PHLPP2: variants seen among roughly 807,000 people sequenced by gnomAD.
PHLPP2 encodes the protein PH domain leucine-rich repeat-containing protein phosphatase 2.
PHLPP2 carries 66 observed loss-of-function variants against 124.9 expected under a neutral mutation model. The ratio of observed to expected loss-of-function variants is 0.53; its 90% CI spans 0.43 to 0.65. The LOEUF (loss-of-function observed/expected upper bound fraction) is 0.65, where lower values mean the gene tolerates loss of function less well. Ranked by LOEUF, PHLPP2 falls within the 30% of genes least tolerant of loss-of-function variation. The pLI is 0.00. For synonymous variants in PHLPP2, 681 were observed against 624.7 expected (o/e 1.09, Z -1.34); for missense variants, 1,685 against 1,600.4 (o/e 1.05, Z -0.90).
intron 10 of PHLPP2, among the ~76,000 whole-genome samples, chr16:71,670,828 T>C (rs2044886378): frequency 6.6e-6 from 1 of 152,058 alleles, no homozygotes; most frequent in South Asian, 2.1e-4. Flanking sequence ...ACAGCTGGAC[T>C]GGCCATGAAC....
At chr16:71,718,589 A>AC (rs1363961578) in intron 1 of PHLPP2, among the ~76,000 whole-genome samples, 8 of 151,746 alleles carry the variant, frequency 5.3e-5, no homozygotes, top group African/African-American at 1.7e-4. Context: ...CAAAAAAAAA[A>AC]AAAACAAAAC....
chr16:71,716,614 A>G (rs1418500813), intron 1 of PHLPP2, among the ~76,000 whole-genome samples: 1 of 152,072 alleles, frequency 6.6e-6, no homozygotes, highest in Non-Finnish European at 1.5e-5. Flanking sequence ...TTCGTTCCCT[A>G]CTACTGCCCT....
chr16:71,719,334 G>A (rs956699043), intron 1 of PHLPP2, among the ~76,000 whole-genome samples: 4 of 152,014 alleles, frequency 2.6e-5, no homozygotes, highest in African/African-American at 4.8e-5. Context: ...TCAGGAGCTC[G>A]AGACCAGCCT....
At chr16:71,657,455 C>T (rs969601987) in intron 15 of PHLPP2, among the ~76,000 whole-genome samples, 10 of 151,084 alleles carry the variant, frequency 6.6e-5, no homozygotes, top group African/African-American at 1.2e-4. Context: ...AGTGCAGTGG[C>T]GTGATCTCTG....
rs1223481853 is a variant in PHLPP2, at chr16:71,681,751, T to A, written c.890A>T (p.Lys297Ile). 1 of 1,611,508 alleles carries A rather than the reference T, an allele frequency of 6.2e-7. No individual in the cohort carries two copies. Among genetic ancestry groups the A allele is most frequent in the Non-Finnish European group, 8.5e-7 (1 of 1,178,758 alleles). Residue 297 changes from lysine to isoleucine, a missense_variant and splice_region_variant, in exon 6 of 19, where the codon AAA (lysine) becomes ATA (isoleucine). Transcript: ENST00000568954. The stretch of plus-strand genomic sequence containing the variant: ...GTCTGGAAACCCATTCTCCACATAC[T>A]TGTAGAGTGTATCGAGGCCTCCGGG... ...ERPGGLDTLY[K>I]FSQLKGLNLS...
chr16:71,690,591 G>C lies in PHLPP2; in HGVS notation c.537C>G (p.Thr179=). The C allele has an allele frequency of 6.2e-7, 1 of 1,612,880 alleles. No homozygotes were observed. The highest frequency in any genetic ancestry group is 8.5e-7 in the Non-Finnish European group (1 of 1,178,884). The change falls in exon 4 of 19, where the codon ACC becomes ACG. Residue 179 remains threonine, a synonymous_variant. Coordinates refer to ENST00000568954, the MANE Select transcript of PHLPP2 (RefSeq NM_015020.3). The part of the protein sequence containing the change: ...WAERLVVLCG[T]CLIVSSVKDC... ...CCTTCACTGAGGAAACGATAAGGCAGGTACCACAGAGGACAACTAGGCGCT... is the reference window on the plus strand; with the variant it reads ...CCTTCACTGAGGAAACGATAAGGCACGTACCACAGAGGACAACTAGGCGCT...
Position 71,650,042 on chromosome 16 carries a change from G to A in PHLPP2, c.2820C>T (p.Asp940=). 6.2e-7 allele frequency: 1 copy of A among 1,601,966 alleles called. No homozygotes were observed. The highest frequency in any genetic ancestry group is 8.5e-7 in the Non-Finnish European group (1 of 1,176,994). The part of the protein sequence containing the change: ...VKDQKAIITE[D]NKVNGVTCCT... ...AGCAGGTTACCCCATTCACTTTGTT[G>A]TCCTACAGAAGAGCAGGACACAAAT... is the stretch of plus-strand genomic sequence containing the variant. The change falls in exon 19 of 19, where the codon GAC becomes GAT. Residue 940 remains aspartate (D), a splice_region_variant and synonymous_variant. Coordinates refer to ENST00000568954, the MANE Select transcript of PHLPP2 (RefSeq NM_015020.3).
chr16:71,657,420 A>C (rs112159976), intron 15 of PHLPP2, among the ~76,000 whole-genome samples: 178 of 136,832 alleles, frequency 1.3e-3, no homozygotes, highest in African/African-American at 4.6e-3. Context: ...TTTGAGAAGG[A>C]GTCTCGCTGT....
intron 3 of PHLPP2, among the ~76,000 whole-genome samples, chr16:71,700,457 C>G (rs2045219976): frequency 6.6e-6 from 1 of 151,392 alleles, no homozygotes. Flanking sequence ...CTTTGACACT[C>G]CTTTCAAAAA....
rs11863079 is a variant in PHLPP2, at chr16:71,688,275, T to C, written c.609+2244A>G. ...GATTTAGTTTTTGATCCTGGGCATA[T>C]TGCTACCCTGAACAAAATTCTATTA... is the stretch of plus-strand genomic sequence containing the variant. On this transcript the variant is annotated intron_variant, in intron 4 of 18. Coordinates refer to ENST00000568954, the MANE Select transcript of PHLPP2 (RefSeq NM_015020.3). Among the ~76,000 whole-genome samples, 656 of 152,336 alleles carry C rather than the reference T, an allele frequency of 4.3e-3. 11 individuals are homozygous for C. The highest frequency in any genetic ancestry group is 0.015 in the African/African-American group (636 of 41,576).
At chr16:71,712,570 T>C (rs1233131051) in intron 2 of PHLPP2, among the ~76,000 whole-genome samples, 1 of 152,218 alleles carries the variant, frequency 6.6e-6, no homozygotes, top group Non-Finnish European at 1.5e-5. Flanking sequence ...TTCCACCTGA[T>C]AAAATTAGAT....
rs1194816061 is a variant in PHLPP2 at position 71,658,609 on chromosome 16, G to A, written c.2148+44C>T. The A allele has an allele frequency of 3.8e-6, 6 of 1,567,888 alleles. No homozygotes were observed. The Middle Eastern group carries it at 6.8e-4, about 177-fold the overall frequency. On this transcript the variant is annotated intron_variant, in intron 14 of 18. Coordinates refer to ENST00000568954, the MANE Select transcript of PHLPP2 (RefSeq NM_015020.3). ...GGAAAATAATGTCATTCACTCTCCTGCCATTTCCCCCAATAAGGACATCAT... is the reference window on the plus strand; with the variant it reads ...GGAAAATAATGTCATTCACTCTCCTACCATTTCCCCCAATAAGGACATCAT...
At position 71,648,872 on chromosome 16, in the gene PHLPP2, C is replaced by CT. The variant is rs557846154; in HGVS notation, c.*17dup. 3.8e-5 allele frequency: 60 copies of CT among 1,591,210 alleles called. No individual in the cohort carries two copies. The East Asian group carries it at 1.3e-3, about 34-fold the overall frequency. On this transcript the variant is annotated 3_prime_UTR_variant, in exon 19 of 19. Transcript: ENST00000568954. ...CAACCCTGCACAGCCTCCTCCCACACTGTGCCCAGTGGGGCAGTCATAGTG... is the reference window on the plus strand; with the variant it reads ...CAACCCTGCACAGCCTCCTCCCACACTTGTGCCCAGTGGGGCAGTCATAGTG...
chr16:71,723,772 C>T, intron 1 of PHLPP2: 1 of 1,336,624 alleles, frequency 7.5e-7, no homozygotes, highest in South Asian at 1.5e-5. Context: ...TCCTCACCTT[C>T]AGGACCCGGA....
At chr16:71,659,198 C>T (rs2044767309) in intron 13 of PHLPP2, among the ~76,000 whole-genome samples, 1 of 151,960 alleles carries the variant, frequency 6.6e-6, no homozygotes, top group Non-Finnish European at 1.5e-5. Flanking sequence ...TCTTTAATAC[C>T]CTCAGCTGTA....
chr16:71,662,189 TG>T (rs2044798108), intron 13 of PHLPP2, among the ~76,000 whole-genome samples: 1 of 146,812 alleles, frequency 6.8e-6, no homozygotes, highest in South Asian at 2.5e-4. Flanking sequence ...CCCAGTACTT[TG>T]GGGGGCCAAG....
At chr16:71,720,723 G>A (rs946321302) in intron 1 of PHLPP2, among the ~76,000 whole-genome samples, 5 of 152,018 alleles carry the variant, frequency 3.3e-5, no homozygotes, top group African/African-American at 1.2e-4. Context: ...AATTAGCCAG[G>A]CGTAGTGGCA....
chr16:71,674,961 C>T (rs567093254), intron 9 of PHLPP2, among the ~76,000 whole-genome samples: 2 of 152,348 alleles, frequency 1.3e-5, no homozygotes, highest in East Asian at 1.9e-4. Context: ...CAGGCAACTG[C>T]ACTCCAGCCT....
rs533974235 is a variant in PHLPP2, at chr16:71,648,745, T to G, written c.*145A>C. 3.0e-5 allele frequency: 20 copies of G among 656,996 alleles called. No individual in the cohort carries two copies. The highest frequency in any genetic ancestry group is 5.0e-5 in the Non-Finnish European group (19 of 382,020). 40.7% of individuals were successfully genotyped at this position (656,996 alleles called of 1,614,324 possible). A position where few individuals can be genotyped will look rare whatever the true frequency, so the allele number is the denominator to read the frequency against. On this transcript the variant is annotated 3_prime_UTR_variant, in exon 19 of 19. Coordinates refer to ENST00000568954, the MANE Select transcript of PHLPP2 (RefSeq NM_015020.3). ...GAGACCCCACCATTGCACTCCAGCC[T>G]GAGCGACTGAGCAAGACTCCGTCTC... is the stretch of plus-strand genomic sequence containing the variant.
Sources: allele counts gnomAD v4.1 joint callset (sites outside exome capture counted in the v4.1 genomes callset), GRCh38; gene constraint gnomAD v4.1.1; transcripts MANE v1.5; gene names NCBI Gene and HGNC (gene_info 2026-07-23, HGNC 2026-07-21).